The following FER1L6 variants were observed in gnomAD, a reference collection of about 807,000 sequenced individuals.
FER1L6 encodes fer-1 like family member 6, also known as fer-1-like protein 6.
FER1L6 carries 177 observed loss-of-function variants against 219.2 expected under a neutral mutation model. The observed-to-expected ratio is 0.81, with a 90% CI of 0.71 to 0.91. The LOEUF is 0.91. Among genes scored for constraint, FER1L6 ranks in the 40% least tolerant of loss-of-function variants. The pLI is 0.00. For missense variants in FER1L6, 2,153 were observed against 2,259.9 expected (o/e 0.95, Z 0.96); for synonymous variants, 768 against 824.3 (o/e 0.93, Z 1.17).
intron 30 of FER1L6, among the ~76,000 whole-genome samples, chr8:124,071,139 C>G (rs1220078590): frequency 6.6e-6 from 1 of 152,190 alleles, no homozygotes; most frequent in East Asian, 1.9e-4. Context: ...TGCTTCACTT[C>G]CCTAAGCCTC....
intron 26 of FER1L6, 136 bp from the exon 27 acceptor site, chr8:124,066,292 C>A: frequency 1.1e-6 from 1 of 872,508 alleles, no homozygotes; most frequent in Non-Finnish European, 1.8e-6. Flanking sequence ...CAGAGAGCTG[C>A]TATCACAAAA....
chr8:124,082,527 T>C, intron 33 of FER1L6, 69 bp downstream of exon 33: 1 of 1,422,138 alleles, frequency 7.0e-7, no homozygotes, highest in South Asian at 1.3e-5. Flanking sequence ...CTCCAGACTC[T>C]GCATCCCAGT....
At chr8:123,905,755 A>G (rs1466129319) in intron 1 of FER1L6, among the ~76,000 whole-genome samples, 2 of 152,228 alleles carry the variant, frequency 1.3e-5, no homozygotes, top group Non-Finnish European at 2.9e-5. Context: ...TAATCTCTTA[A>G]CAAATGTAGC....
chr8:124,035,178 C>A (rs1819143390), intron 18 of FER1L6, 99 bp from the exon 19 acceptor site: 65 of 1,290,586 alleles, frequency 5.0e-5, no homozygotes, highest in Non-Finnish European at 7.0e-5. Context: ...TCTGAACATA[C>A]TTCCAGGTGT....
At chr8:123,864,915 C>T (rs1477068688) in intron 1 of FER1L6, among the ~76,000 whole-genome samples, 12 of 150,734 alleles carry the variant, frequency 8.0e-5, no homozygotes, top group Non-Finnish European at 1.8e-4. Context: ...ACTTCTTTGC[C>T]TTTGGTTTGA....
rs187845132 is a variant in FER1L6 at position 124,056,966 on chromosome 8, C to G, written c.2875-3214C>G. 5.9e-5 allele frequency among the ~76,000 whole-genome samples: 9 copies of G among 152,278 alleles called. No homozygotes were observed. In the East Asian group the frequency reaches 1.7e-3, roughly 29 times the overall value. ...GGCTGAGGCAGGAGAATTGCTTGAACCTGGGAGGCGGAGGTTGCAGTGAGC... is the reference window on the plus strand; with the variant it reads ...GGCTGAGGCAGGAGAATTGCTTGAAGCTGGGAGGCGGAGGTTGCAGTGAGC... On this transcript the variant is annotated intron_variant, in intron 22 of 40. Coordinates refer to ENST00000522917, the MANE Select transcript of FER1L6 (RefSeq NM_001039112.2).
At chr8:124,035,742 G>C (rs1416757328) in intron 19 of FER1L6, among the ~76,000 whole-genome samples, 1 of 152,178 alleles carries the variant, frequency 6.6e-6, no homozygotes, top group South Asian at 2.1e-4. Context: ...TTGAGTTTGC[G>C]TTTTAAGCAA....
Position 124,119,709 on chromosome 8 carries a change from C to T in FER1L6, c.5493C>T (p.Leu1831=), listed in dbSNP as rs772539879. The part of the protein sequence containing the change: ...YKKYIIIAFI[L]IILIIFLVLF... ...AGTACATCATCATTGCTTTCATTCT[C>T]ATCATCCTCATCATCTTCCTCGTCC... is the stretch of plus-strand genomic sequence containing the variant. Residue 1831 remains leucine (L), a synonymous_variant, in exon 41 of 41, where the codon CTC becomes CTT. Transcript: ENST00000522917. 3 of 1,613,268 alleles carry T rather than the reference C, an allele frequency of 1.9e-6. No individual in the cohort carries two copies. Among genetic ancestry groups the T allele is most frequent in the Non-Finnish European group, 2.5e-6 (3 of 1,179,192 alleles).
intron 1 of FER1L6, among the ~76,000 whole-genome samples, chr8:123,877,864 A>G (rs377647366): frequency 5.1e-4 from 77 of 152,018 alleles, no homozygotes; most frequent in Middle Eastern, 6.8e-3. Flanking sequence ...ATCACCAGCC[A>G]TGGTAGAAGC....
intron 1 of FER1L6, among the ~76,000 whole-genome samples, chr8:123,881,246 A>G (rs1234710175): frequency 6.6e-6 from 1 of 152,232 alleles, no homozygotes; most frequent in Non-Finnish European, 1.5e-5. Flanking sequence ...TCACTAAAAA[A>G]AGAAAAATTG....
At chr8:124,026,758 G>A (rs6982318) in intron 18 of FER1L6, among the ~76,000 whole-genome samples, 93,160 of 151,644 alleles carry the variant, frequency 0.61, 29,518 homozygotes, top group African/African-American at 0.77. Context: ...TATTAAGCAT[G>A]AGAAGCAGTG....
At chr8:124,036,930 T>G (rs750693500) in intron 19 of FER1L6, among the ~76,000 whole-genome samples, 1 of 152,224 alleles carries the variant, frequency 6.6e-6, no homozygotes, top group Non-Finnish European at 1.5e-5. Context: ...TGCACCTATA[T>G]ATGTAAGGCA....
At chr8:124,044,487 A>T (rs1463150588) in intron 20 of FER1L6, among the ~76,000 whole-genome samples, 2 of 152,350 alleles carry the variant, frequency 1.3e-5, no homozygotes, top group African/African-American at 4.8e-5. Flanking sequence ...TGCTGTGACT[A>T]GAAATGACTC....
intron 15 of FER1L6, among the ~76,000 whole-genome samples, chr8:124,014,127 A>C (rs1196672100): frequency 6.6e-6 from 1 of 152,162 alleles, no homozygotes; most frequent in Non-Finnish European, 1.5e-5. Context: ...CACAGGGGAG[A>C]ATCACAGAGT....
chr8:124,064,695 G>T, intron 26 of FER1L6, 122 bp downstream of exon 26: 1 of 824,426 alleles, frequency 1.2e-6, no homozygotes, highest in Non-Finnish European at 1.9e-6. Context: ...TCTGAGTATC[G>T]GTTCATCCTT....
intron 1 of FER1L6, among the ~76,000 whole-genome samples, chr8:123,919,180 G>C (rs1220259871): frequency 6.6e-6 from 1 of 152,194 alleles, no homozygotes; most frequent in Non-Finnish European, 1.5e-5. Flanking sequence ...GGCCAGAAGA[G>C]AGAGTGGGGC....
At chr8:123,934,129 G>T (rs970605138) in intron 1 of FER1L6, among the ~76,000 whole-genome samples, 2 of 151,760 alleles carry the variant, frequency 1.3e-5, no homozygotes, top group Non-Finnish European at 2.9e-5. Flanking sequence ...ACTTTTTTTT[G>T]AGACCAAGTC....
chr8:124,065,510 G>A lies in FER1L6; in HGVS notation c.3556-918G>A, dbSNP rs140778391. Reference sequence around the variant, plus strand: ...AAGTGAGATAGATGCATGGACATTTGCACGGGCTGCTCTCATTTCATCCAT... The same window carrying A: ...AAGTGAGATAGATGCATGGACATTTACACGGGCTGCTCTCATTTCATCCAT... On this transcript the variant is annotated intron_variant, in intron 26 of 40. Coordinates refer to ENST00000522917, the MANE Select transcript of FER1L6 (RefSeq NM_001039112.2). Among the ~76,000 whole-genome samples, 802 of 151,778 alleles carry A rather than the reference G, an allele frequency of 5.3e-3. 7 individuals are homozygous for A. Among genetic ancestry groups the A allele is most frequent in the African/African-American group, 0.019 (774 of 41,350 alleles).
intron 23 of FER1L6, 46 bp downstream of exon 23, chr8:124,060,336 C>T: frequency 1.3e-6 from 2 of 1,564,456 alleles, no homozygotes; most frequent in Middle Eastern, 3.4e-4. Context: ...CACTCAAGGG[C>T]AGTGGCCCCA....
Sources: allele counts gnomAD v4.1 joint callset (sites outside exome capture counted in the v4.1 genomes callset), GRCh38; gene constraint gnomAD v4.1.1; transcripts MANE v1.5; gene names NCBI Gene and HGNC (gene_info 2026-07-23, HGNC 2026-07-21).